The following ITGA8 variants were observed in gnomAD, a reference collection of about 807,000 sequenced individuals.
ITGA8 encodes the protein integrin subunit alpha 8.
ITGA8 carries 91 observed loss-of-function variants against 142.3 expected under a neutral mutation model. The observed-to-expected ratio is 0.64, with a 90% CI of 0.54 to 0.76. ITGA8 has a LOEUF of 0.76. ITGA8 is among the 30% of genes least tolerant of loss of function. The probability of loss-of-function intolerance (pLI) is 0.00; values close to 1 mark genes in which losing one functional copy is unlikely to be tolerated. For synonymous variants in ITGA8, 505 were observed against 485.2 expected (o/e 1.04, Z -0.54); for missense variants, 1,406 against 1,327.7 (o/e 1.06, Z -0.92).
At chr10:15,623,541 C>A (rs1005843338) in intron 13 of ITGA8, among the ~76,000 whole-genome samples, 18 of 152,126 alleles carry the variant, frequency 1.2e-4, no homozygotes, top group African/African-American at 4.1e-4. Context: ...CAAAAATTAG[C>A]CTGGTGTGGT....
At chr10:15,577,624 ACTT>A (rs1445467373) in intron 23 of ITGA8, among the ~76,000 whole-genome samples, 2 of 152,204 alleles carry the variant, frequency 1.3e-5, no homozygotes, top group Non-Finnish European at 2.9e-5. Flanking sequence ...ACCGAAGACT[ACTT>A]CAAATCCAGG....
At chr10:15,658,738 A>G (rs1246478025) in intron 10 of ITGA8, among the ~76,000 whole-genome samples, 1 of 152,128 alleles carries the variant, frequency 6.6e-6, no homozygotes, top group East Asian at 1.9e-4. Flanking sequence ...ATGGTTCACA[A>G]TCTGAAATTA....
chr10:15,557,555 G>A (rs1014719051), intron 26 of ITGA8, among the ~76,000 whole-genome samples: 2 of 152,138 alleles, frequency 1.3e-5, no homozygotes, highest in Admixed American at 6.5e-5. Context: ...GTCTTGCTAT[G>A]TTGCCCAGGC....
At chr10:15,595,836 C>T (rs2131600000) in intron 21 of ITGA8, among the ~76,000 whole-genome samples, 1 of 152,258 alleles carries the variant, frequency 6.6e-6, no homozygotes, top group South Asian at 2.1e-4. Flanking sequence ...GAGGCCAAGG[C>T]AGGTGGATCA....
In ITGA8 at chr10:15,558,198, G is replaced by T; in HGVS notation, c.2642C>A (p.Ala881Asp). 8 of 1,613,704 alleles carry T rather than the reference G, an allele frequency of 5.0e-6. No individual in the cohort carries two copies. Among genetic ancestry groups the T allele is most frequent in the Non-Finnish European group, 6.8e-6 (8 of 1,179,904 alleles). ...CTCAGGGGTGTCCTCTGGGGAGGCA[G>T]CAGGCTGCAAAAAGAAAGTGGGAGA... The part of the protein sequence containing the change: ...PNINPQDIKP[A>D]ASPEDTPELS... The change falls in exon 26 of 30, where the codon GCT becomes GAT. Residue 881 changes from alanine to aspartate, a missense_variant. Ala to Asp is a moderately radical substitution (Grantham distance 126). Transcript: ENST00000378076.
At position 15,606,385 on chromosome 10, in the gene ITGA8, T is replaced by A. The variant is rs752759451; in HGVS notation, c.1802A>T (p.Asn601Ile). 4 of 1,606,272 alleles carry A rather than the reference T, an allele frequency of 2.5e-6. No homozygotes were observed. Among genetic ancestry groups the A allele is most frequent in the Non-Finnish European group, 3.4e-6 (4 of 1,173,782 alleles). The change falls in exon 18 of 30, where the codon AAC (asparagine) becomes ATC (isoleucine). Residue 601 changes from asparagine to isoleucine, a missense_variant. Coordinates refer to ENST00000378076, the MANE Select transcript of ITGA8 (RefSeq NM_003638.3). Reference sequence around the variant, plus strand: ...GTCCAAACTGTAATTCAAACTAATGTTGATTGGAGATAATTTATCTCGGAA... The same window carrying A: ...GTCCAAACTGTAATTCAAACTAATGATGATTGGAGATAATTTATCTCGGAA... The part of the protein sequence containing the change: ...TEFRDKLSPI[N>I]ISLNYSLDES...
chr10:15,530,780 A>G (rs1833273790), intron 28 of ITGA8, among the ~76,000 whole-genome samples: 1 of 152,194 alleles, frequency 6.6e-6, no homozygotes, highest in East Asian at 1.9e-4. Flanking sequence ...GATAACTGCT[A>G]TCTGAATTCC....
intron 2 of ITGA8, among the ~76,000 whole-genome samples, chr10:15,705,237 C>A (rs139631012): frequency 2.0e-5 from 3 of 152,200 alleles, no homozygotes; most frequent in Non-Finnish European, 2.9e-5. Context: ...TATTTCATGA[C>A]TCCACTTTGC....
rs769890128 is a variant in ITGA8 at position 15,613,662 on chromosome 10, G to A, written c.1551C>T (p.Ala517=). The A allele has an allele frequency of 6.2e-7, 1 of 1,601,484 alleles. No homozygotes were observed. The highest frequency in any genetic ancestry group is 8.6e-7 in the Non-Finnish European group (1 of 1,168,634). The change falls in exon 15 of 30, where the codon GCC becomes GCT. Residue 517 remains alanine (A), a splice_region_variant and synonymous_variant. Coordinates refer to ENST00000378076, the MANE Select transcript of ITGA8 (RefSeq NM_003638.3). ...TGAGAAGCACCGGACTAACTCACCA[G>A]GCAGCAGATGTCATAGAGTCTGGAA... ...CQVPDSMTSA[A]CFSLRVCASV...
chr10:15,583,722 A>G (rs1390874105), intron 23 of ITGA8, among the ~76,000 whole-genome samples: 1 of 152,192 alleles, frequency 6.6e-6, no homozygotes, highest in African/African-American at 2.4e-5. Context: ...AGGGTTGGCT[A>G]TAAAGTAGTC....
chr10:15,672,598 C>A, intron 7 of ITGA8, 26 bp downstream of exon 7: 3 of 1,589,428 alleles, frequency 1.9e-6, no homozygotes, highest in Non-Finnish European at 1.7e-6. Flanking sequence ...TGAAAAACCA[C>A]AAATGTCTTG....
rs191398672 is a variant in ITGA8, at chr10:15,711,466, G to A, written c.343+7300C>T. ...TAACTCTCTTGCCTTCTCCATAAAGGTTTTTTCTCTTCATCTTTTTGTTCA... is the reference window on the plus strand; with the variant it reads ...TAACTCTCTTGCCTTCTCCATAAAGATTTTTTCTCTTCATCTTTTTGTTCA... On this transcript the variant is annotated intron_variant, in intron 2 of 29. Transcript: ENST00000378076. 2.4e-3 allele frequency among the ~76,000 whole-genome samples: 362 copies of A among 151,860 alleles called. 3 individuals are homozygous for A. Among genetic ancestry groups the A allele is most frequent in the Middle Eastern group, 6.8e-3 (2 of 294 alleles).
intron 26 of ITGA8, among the ~76,000 whole-genome samples, chr10:15,555,737 C>A (rs1476113170): frequency 6.6e-6 from 1 of 152,020 alleles, no homozygotes; most frequent in East Asian, 1.9e-4. Context: ...GCTCTGTTGC[C>A]CAGGCTGGAG....
At chr10:15,681,411 T>C (rs1834734902) in intron 4 of ITGA8, among the ~76,000 whole-genome samples, 1 of 152,210 alleles carries the variant, frequency 6.6e-6, no homozygotes, top group Non-Finnish European at 1.5e-5. Flanking sequence ...AAATAATTCA[T>C]GGCAATTTAT....
In ITGA8 at chr10:15,607,790, C is replaced by T. The variant is rs1588672168; in HGVS notation, c.1651G>A (p.Gly551Arg). The change falls in exon 17 of 30, where the codon GGA (glycine) becomes AGA (arginine). Residue 551 changes from glycine to arginine, a missense_variant. Transcript: ENST00000378076. ...AGGAAGAGCGTCCGTTTAATAGCTC[C>T]TTTCTGTTTCAGGGAATCTAATTGC... The part of the protein sequence containing the change: ...EVQLDSLKQK[G>R]AIKRTLFLDN... 1 of 1,611,642 alleles carries T rather than the reference C, an allele frequency of 6.2e-7. No homozygotes were observed. The highest frequency in any genetic ancestry group is 8.5e-7 in the Non-Finnish European group (1 of 1,178,818).
chr10:15,667,027 C>T (rs953724686), intron 8 of ITGA8, among the ~76,000 whole-genome samples: 1 of 152,164 alleles, frequency 6.6e-6, no homozygotes, highest in African/African-American at 2.4e-5. Context: ...ATGATGCTGG[C>T]CTCATAAAAT....
chr10:15,523,612 A>T (rs915563510), intron 28 of ITGA8, among the ~76,000 whole-genome samples: 4 of 152,068 alleles, frequency 2.6e-5, no homozygotes, highest in African/African-American at 9.7e-5. Context: ...AAGTTTGTTT[A>T]AAAAATACCA....
intron 8 of ITGA8, among the ~76,000 whole-genome samples, chr10:15,662,030 T>C (rs902215485): frequency 6.6e-6 from 1 of 152,160 alleles, no homozygotes; most frequent in Non-Finnish European, 1.5e-5. Flanking sequence ...TTGAGAAACA[T>C]GGCAACCACA....
intron 2 of ITGA8, among the ~76,000 whole-genome samples, chr10:15,706,596 C>T (rs752670322): frequency 2.0e-5 from 3 of 151,988 alleles, no homozygotes; most frequent in African/African-American, 4.8e-5. Context: ...CACACTACTG[C>T]ACCTGCTAAT....
Sources: gnomAD v4.1 joint callset for allele counts (sites outside exome capture counted in the v4.1 genomes callset) on GRCh38, gnomAD v4.1.1 for gene constraint, MANE v1.5 for transcripts, NCBI Gene and HGNC (gene_info 2026-07-23, HGNC 2026-07-21) for gene names.